EPS8: variants seen among roughly 807,000 people sequenced by gnomAD.
EPS8 encodes the protein EGFR pathway substrate 8, signaling adaptor.
EPS8 carries 42 observed loss-of-function variants against 103.8 expected under a neutral mutation model. The observed-to-expected ratio is 0.40, with a 90% CI of 0.32 to 0.52. EPS8 has a LOEUF of 0.52. Ranked by LOEUF, EPS8 falls within the 20% of genes least tolerant of loss-of-function variation. The pLI is 0.40. For synonymous variants in EPS8, 344 were observed against 344.6 expected (o/e 1.00, Z 0.02); for missense variants, 969 against 1,005.1 (o/e 0.96, Z 0.49).
intron 18 of EPS8, among the ~76,000 whole-genome samples, chr12:15,625,717 T>C (rs1944933536): frequency 6.6e-6 from 1 of 152,146 alleles, no homozygotes; most frequent in Non-Finnish European, 1.5e-5. Context: ...CCTCCCATGT[T>C]TCTGGACTCC....
At chr12:15,741,274 A>G (rs1325655220) in intron 1 of EPS8, among the ~76,000 whole-genome samples, 2 of 152,218 alleles carry the variant, frequency 1.3e-5, no homozygotes, top group African/African-American at 2.4e-5. Flanking sequence ...ACTCATGTGC[A>G]GTCCTGCCTC....
chr12:15,762,289 T>G lies in EPS8; in HGVS notation c.-22+26872A>C, dbSNP rs891368011. 3.9e-5 allele frequency among the ~76,000 whole-genome samples: 6 copies of G among 152,118 alleles called. No homozygotes were observed. Among genetic ancestry groups the G allele is most frequent in the African/African-American group, 1.4e-4 (6 of 41,426 alleles). On this transcript the variant is annotated intron_variant, in intron 1 of 20. Coordinates refer to ENST00000281172, the MANE Select transcript of EPS8 (RefSeq NM_004447.6). This position sits in a 1 kb window ranked among gnomAD's most constrained non-coding sequence, Gnocchi z 4.8. ...TATCCAAAAGACAGACAATAACAAA[T>G]GCCGACAAGGATGTAGAGAAAAGGG...
At chr12:15,660,769 T>A in intron 9 of EPS8, 29 bp from the exon 10 acceptor site, 1 of 1,359,040 alleles carries the variant, frequency 7.4e-7, no homozygotes, top group Non-Finnish European at 1.0e-6. Context: ...GAATAAAATA[T>A]AAAACAAAAC....
intron 3 of EPS8, 36 bp downstream of exon 3, chr12:15,681,189 GA>G (rs1251309344): frequency 2.6e-6 from 3 of 1,139,492 alleles, no homozygotes; most frequent in Non-Finnish European, 3.8e-6. Flanking sequence ...AAAGTGGTTA[GA>G]AACAAAATTA....
At chr12:15,722,578 T>G (rs575312846) in intron 1 of EPS8, among the ~76,000 whole-genome samples, 1 of 152,306 alleles carries the variant, frequency 6.6e-6, no homozygotes, top group South Asian at 2.1e-4. Context: ...TACACCAACT[T>G]ACACTCTGTC....
chr12:15,638,475 G>A (rs1035238380), intron 17 of EPS8, among the ~76,000 whole-genome samples: 17 of 151,952 alleles, frequency 1.1e-4, no homozygotes, highest in Non-Finnish European at 2.9e-5. Flanking sequence ...TTCAAAGTAG[G>A]GCCCTCAACC....
chr12:15,658,359 A>G, intron 11 of EPS8, 138 bp downstream of exon 11: 3 of 718,104 alleles, frequency 4.2e-6, no homozygotes, highest in Non-Finnish European at 4.6e-6. Context: ...GTTTTAACTG[A>G]AGGCAAATCA....
chr12:15,689,537 T>C (rs1177359508), intron 1 of EPS8, among the ~76,000 whole-genome samples: 5 of 152,230 alleles, frequency 3.3e-5, no homozygotes, highest in Admixed American at 3.3e-4. Context: ...TATATATTTA[T>C]AGTGTACAAT....
Position 15,684,452 on chromosome 12 carries a change from G to A in EPS8, c.-21-1480C>T, listed in dbSNP as rs1946060895. 1 of 152,090 alleles carries A rather than the reference G, an allele frequency of 6.6e-6. No individual in the cohort carries two copies. The highest frequency in any genetic ancestry group is 1.5e-5 in the Non-Finnish European group (1 of 68,024). The allele number at this position is 152,090 out of a possible 1,614,324, so 9.4% of individuals were successfully genotyped here. On this transcript the variant is annotated intron_variant, in intron 1 of 20. Transcript: ENST00000281172. This position sits in a 1 kb window ranked among gnomAD's most constrained non-coding sequence, Gnocchi z 4.9. ...CCCCAAAAGGCTTGAATTTTTGTTTGATGACTTCTGCTTTTCAAATAAGAA... is the reference window on the plus strand; with the variant it reads ...CCCCAAAAGGCTTGAATTTTTGTTTAATGACTTCTGCTTTTCAAATAAGAA...
intron 14 of EPS8, among the ~76,000 whole-genome samples, chr12:15,647,648 T>G (rs1945342992): frequency 6.6e-6 from 1 of 152,202 alleles, no homozygotes; most frequent in African/African-American, 2.4e-5. Context: ...TATTATCATA[T>G]TTACTGTTAA....
chr12:15,751,989 C>A lies in EPS8; in HGVS notation c.-22+37172G>T, dbSNP rs965660709. Among the ~76,000 whole-genome samples, 2 of 152,080 alleles carry A rather than the reference C, an allele frequency of 1.3e-5. No homozygotes were observed. The highest frequency in any genetic ancestry group is 4.8e-5 in the African/African-American group (2 of 41,388). ...TCTGGGCAGGTTTCTAAGGCCAAGG[C>A]AAAGTGCCAATACAGGAAATCAGTG... On this transcript the variant is annotated intron_variant, in intron 1 of 20. Coordinates refer to ENST00000281172, the MANE Select transcript of EPS8 (RefSeq NM_004447.6). The surrounding 1 kb of genome is among the most constrained non-coding windows in gnomAD (Gnocchi z 4.3).
intron 13 of EPS8, among the ~76,000 whole-genome samples, chr12:15,653,160 A>G (rs917278239): frequency 2.6e-5 from 4 of 152,188 alleles, no homozygotes; most frequent in African/African-American, 9.6e-5. Context: ...CTAGTCCTGA[A>G]GAAAATTGAT....
chr12:15,773,050 A>T (rs1947170377), intron 1 of EPS8, among the ~76,000 whole-genome samples: 1 of 152,178 alleles, frequency 6.6e-6, no homozygotes, highest in Non-Finnish European at 1.5e-5. Flanking sequence ...AGTGAAGAGG[A>T]AACCATAGAC....
In EPS8 at chr12:15,747,795, C is replaced by A. The variant is rs1002253238; in HGVS notation, c.-22+41366G>T. 6.6e-6 allele frequency among the ~76,000 whole-genome samples: 1 copy of A among 152,026 alleles called. No individual in the cohort carries two copies. The highest frequency in any genetic ancestry group is 1.5e-5 in the Non-Finnish European group (1 of 67,996). ...CAGCACTTTGGGAGGCCGAGGTGGG[C>A]GGATCACGAGGTCAGGAGATCGAGA... On this transcript the variant is annotated intron_variant, in intron 1 of 20. Coordinates refer to ENST00000281172, the MANE Select transcript of EPS8 (RefSeq NM_004447.6). The surrounding 1 kb of genome is among the most constrained non-coding windows in gnomAD (Gnocchi z 4.4).
intron 15 of EPS8, among the ~76,000 whole-genome samples, chr12:15,643,023 T>C (rs1430387045): frequency 6.6e-6 from 1 of 152,150 alleles, no homozygotes; most frequent in Non-Finnish European, 1.5e-5. Flanking sequence ...ATTATGTTAT[T>C]AATAATAATA....
In EPS8 at chr12:15,760,673, C is replaced by T. The variant is rs1947032128; in HGVS notation, c.-22+28488G>A. ...AACAAATCCATCAATGTGACACATC[C>T]CATCAACAGAATGAAGGACAAAAAC... is the stretch of plus-strand genomic sequence containing the variant. On this transcript the variant is annotated intron_variant, in intron 1 of 20. Coordinates refer to ENST00000281172, the MANE Select transcript of EPS8 (RefSeq NM_004447.6). This position sits in a 1 kb window ranked among gnomAD's most constrained non-coding sequence, Gnocchi z 4.5. 6.6e-6 allele frequency among the ~76,000 whole-genome samples: 1 copy of T among 151,956 alleles called. No individual in the cohort carries two copies. The highest frequency in any genetic ancestry group is 2.4e-5 in the African/African-American group (1 of 41,412).
rs548454126 is a variant in EPS8, at chr12:15,698,839, G to A, written c.-21-15867C>T. Among the ~76,000 whole-genome samples, 2 of 152,276 alleles carry A rather than the reference G, an allele frequency of 1.3e-5. No individual in the cohort carries two copies. Among genetic ancestry groups the A allele is most frequent in the African/African-American group, 2.4e-5 (1 of 41,550 alleles). On this transcript the variant is annotated intron_variant, in intron 1 of 20. Coordinates refer to ENST00000281172, the MANE Select transcript of EPS8 (RefSeq NM_004447.6). The surrounding 1 kb of genome is among the most constrained non-coding windows in gnomAD (Gnocchi z 4.9). ...CAGTTTTGCCAAGAGCCACATGACT[G>A]CTTCCCCATTATGAAGGAAATAGAA...
chr12:15,640,969 T>G (rs1945218187), intron 16 of EPS8, 123 bp from the exon 17 acceptor site: 1 of 749,948 alleles, frequency 1.3e-6, no homozygotes, highest in South Asian at 1.8e-5. Flanking sequence ...ATCAACATAG[T>G]GTTGATTGAA....
At chr12:15,671,868 T>C (rs904631429) in intron 3 of EPS8, 2 of 152,140 alleles carry the variant, frequency 1.3e-5, no homozygotes, top group Non-Finnish European at 2.9e-5. Flanking sequence ...AGTTGCCCTA[T>C]TTCTTCTAAA....
Sources: gnomAD v4.1 joint callset for allele counts (sites outside exome capture counted in the v4.1 genomes callset) on GRCh38, gnomAD v4.1.1 for gene constraint, Gnocchi (gnomAD v3.1) non-coding constraint, MANE v1.5 for transcripts, NCBI Gene and HGNC (gene_info 2026-07-23, HGNC 2026-07-21) for gene names.